Variants in FNBP1 observed in about 807,000 individuals in gnomAD.
The protein encoded by FNBP1 is formin-binding protein 1.
In FNBP1, 26 loss-of-function variants were observed where a neutral mutation model predicts 90.6. The ratio of observed to expected loss-of-function variants is 0.29; its 90% confidence interval spans 0.21 to 0.40. The LOEUF (loss-of-function observed/expected upper bound fraction) is 0.40. Ranked by LOEUF, FNBP1 falls within the 10% of genes least tolerant of loss-of-function variation. FNBP1 has a pLI of 1.00. For synonymous variants in FNBP1, 260 were observed against 265.2 expected, an observed-to-expected ratio of 0.98 and a Z score of 0.19; for missense variants, 635 against 768.0, an observed-to-expected ratio of 0.83 and a Z score of 2.05.
intron 4 of FNBP1, among the ~76,000 whole-genome samples, chr9:129,963,162 C>T (rs2048078268): frequency 1.3e-5 from 2 of 152,152 alleles, no homozygotes; most frequent in African/African-American, 4.8e-5. Context: ...ATCTATCTCT[C>T]CAGCACCTCT....
intron 12 of FNBP1, among the ~76,000 whole-genome samples, chr9:129,905,755 T>G (rs1270020232): frequency 6.6e-6 from 1 of 152,206 alleles, no homozygotes; most frequent in Non-Finnish European, 1.5e-5. Flanking sequence ...TCTATATGCG[T>G]GGCTTTAAGG....
At chr9:130,034,470 G>A (rs1005334876) in intron 1 of FNBP1, among the ~76,000 whole-genome samples, 2 of 151,418 alleles carry the variant, frequency 1.3e-5, no homozygotes, top group Non-Finnish European at 2.9e-5. Flanking sequence ...TCAACAGAGT[G>A]AGACTCTGTA....
chr9:129,928,975 C>T (rs2042321161), intron 7 of FNBP1, among the ~76,000 whole-genome samples: 2 of 152,030 alleles, frequency 1.3e-5, no homozygotes, highest in South Asian at 4.1e-4. Context: ...CCTGTAGTTC[C>T]ATCTACTTAG....
At chr9:130,002,297 T>C (rs369823443) in intron 1 of FNBP1, among the ~76,000 whole-genome samples, 26 of 152,354 alleles carry the variant, frequency 1.7e-4, no homozygotes, top group African/African-American at 6.3e-4. Context: ...TATAGGTGCA[T>C]ACTGTGTATA....
At chr9:129,898,411 C>T (rs1416811509) in intron 15 of FNBP1, among the ~76,000 whole-genome samples, 1 of 152,128 alleles carries the variant, frequency 6.6e-6, no homozygotes, top group African/African-American at 2.4e-5. Context: ...GCAAGTTCTC[C>T]AAACTTCCTT....
At chr9:129,925,741 G>A (rs541553638) in intron 8 of FNBP1, among the ~76,000 whole-genome samples, 114 of 144,172 alleles carry the variant, frequency 7.9e-4, no homozygotes, top group African/African-American at 2.7e-3. Flanking sequence ...TTACAGGCAT[G>A]TGCCATCATG....
chr9:129,902,412 A>G (rs1289941039), intron 13 of FNBP1, among the ~76,000 whole-genome samples: 1 of 152,176 alleles, frequency 6.6e-6, no homozygotes, highest in East Asian at 1.9e-4. Context: ...AGTCTGTGCA[A>G]CAGAGCAAGA....
intron 4 of FNBP1, among the ~76,000 whole-genome samples, chr9:129,972,533 T>C (rs2049632391): frequency 6.6e-6 from 1 of 151,094 alleles, no homozygotes; most frequent in South Asian, 2.1e-4. Context: ...CGTTTTCTTT[T>C]TCTTTTTTTT....
At chr9:129,907,821 C>T (rs113455870) in intron 12 of FNBP1, among the ~76,000 whole-genome samples, 6,535 of 151,610 alleles carry the variant, frequency 0.043, 299 homozygotes, top group African/African-American at 0.11. Context: ...CTCCGCCTCC[C>T]GGGTTCATGC....
chr9:130,029,453 T>C (rs1181182561), intron 1 of FNBP1, among the ~76,000 whole-genome samples: 1 of 152,194 alleles, frequency 6.6e-6, no homozygotes, highest in African/African-American at 2.4e-5. Context: ...TGATGACTTA[T>C]CTGGGTACCT....
intron 1 of FNBP1, among the ~76,000 whole-genome samples, chr9:130,033,142 ATCACCTTTCATCC>A (rs1357771015): frequency 6.6e-6 from 1 of 152,160 alleles, no homozygotes; most frequent in Non-Finnish European, 1.5e-5. Context: ...GTGTTTACCT[ATCACCTTTCATCC>A]AACAACCTCA....
rs1475058256 is a variant in FNBP1 at position 129,890,192 on chromosome 9, A to C, written c.*347T>G. The C allele has an allele frequency of 2.3e-6, 1 of 438,298 alleles. No homozygotes were observed. The highest frequency in any genetic ancestry group is 3.9e-5 in the South Asian group (1 of 25,722). The allele number at this position is 438,298 out of a possible 1,614,324, so 27.2% of individuals were successfully genotyped here. A position where few individuals can be genotyped will look rare whatever the true frequency, so the allele number is the denominator to read the frequency against. On this transcript the variant is annotated 3_prime_UTR_variant, in exon 17 of 17. Coordinates refer to ENST00000446176, the MANE Select transcript of FNBP1 (RefSeq NM_015033.3). The surrounding 1 kb of genome is among the most constrained non-coding windows in gnomAD (Gnocchi z 5.8). ...ACAAAAGGCACTGTGTGAAGCGCGGAAGGGCTGCCAGGACGAGCCCGGGTG... is the reference window on the plus strand; with the variant it reads ...ACAAAAGGCACTGTGTGAAGCGCGGCAGGGCTGCCAGGACGAGCCCGGGTG...
chr9:129,943,749 T>C (rs1235443145), intron 6 of FNBP1, among the ~76,000 whole-genome samples: 2 of 151,940 alleles, frequency 1.3e-5, no homozygotes, highest in Non-Finnish European at 1.5e-5. Flanking sequence ...TCCCAGCACT[T>C]TGGGAGGCTG....
intron 4 of FNBP1, among the ~76,000 whole-genome samples, chr9:129,960,738 T>C (rs1461885982): frequency 6.6e-6 from 1 of 151,968 alleles, no homozygotes; most frequent in Non-Finnish European, 1.5e-5. Context: ...GGTGGGAGGC[T>C]TTTGTAACAA....
intron 6 of FNBP1, among the ~76,000 whole-genome samples, chr9:129,939,771 C>A (rs2044056730): frequency 6.6e-6 from 1 of 152,084 alleles, no homozygotes; most frequent in South Asian, 2.1e-4. Context: ...GGAGAAAAAA[C>A]AATCTCTGTC....
At chr9:129,965,807 G>A (rs28610010) in intron 4 of FNBP1, among the ~76,000 whole-genome samples, 2 of 35,502 alleles carry the variant, frequency 5.6e-5, no homozygotes, top group South Asian at 1.0e-3. Flanking sequence ...GGGGGAAGGA[G>A]GGAGGGAGGG....
chr9:129,907,168 T>C (rs561104500), intron 12 of FNBP1, among the ~76,000 whole-genome samples: 11 of 152,192 alleles, frequency 7.2e-5, no homozygotes, highest in Non-Finnish European at 1.0e-4. Context: ...TTGCATGGTA[T>C]ATCTTCTCTC....
Position 130,042,915 on chromosome 9 carries a change from GC to G in FNBP1, c.24+36del, listed in dbSNP as rs1183254651. Reference sequence around the variant, plus strand: ...CAGGCCGCGGGGAAACGCAGCGCGCGCCCCGCATCTGCCCGCGGGCCCAGCC... The same window carrying G: ...CAGGCCGCGGGGAAACGCAGCGCGCGCCCGCATCTGCCCGCGGGCCCAGCC... On this transcript the variant is annotated intron_variant, in intron 1 of 16. Transcript: ENST00000446176. This position sits in a 1 kb window ranked among gnomAD's most constrained non-coding sequence, Gnocchi z 5.5. 3.3e-6 allele frequency: 4 copies of G among 1,216,300 alleles called. No individual in the cohort carries two copies. The East Asian group carries it at 9.7e-5, about 29-fold the overall frequency. 75.3% of individuals were successfully genotyped at this position (1,216,300 alleles called of 1,614,324 possible). A position where few individuals can be genotyped will look rare whatever the true frequency, so the allele number is the denominator to read the frequency against.
chr9:129,923,910 G>C lies in FNBP1; in HGVS notation c.1104C>G (p.Ser368=). Reference sequence around the variant, plus strand: ...AGGTCATGAACTCGTTGAAGCGATGGGAGAGGGGTTCCTTTTGCTGCTTGG... The same window carrying C: ...AGGTCATGAACTCGTTGAAGCGATGCGAGAGGGGTTCCTTTTGCTGCTTGG... The part of the protein sequence containing the change: ...QSPKQQKEPL[S]HRFNEFMTSK... The change falls in exon 10 of 17, where the codon TCC becomes TCG. Residue 368 remains serine (S), a synonymous_variant. Transcript: ENST00000446176. The C allele has an allele frequency of 6.2e-7, 1 of 1,601,268 alleles. No homozygotes were observed. Among genetic ancestry groups the C allele is most frequent in the African/African-American group, 1.4e-5 (1 of 73,902 alleles).
Sources: allele counts gnomAD v4.1 joint callset (sites outside exome capture counted in the v4.1 genomes callset), GRCh38; gene constraint gnomAD v4.1.1; non-coding constraint Gnocchi (gnomAD v3.1); transcripts MANE v1.5; gene names NCBI Gene and HGNC (gene_info 2026-07-23, HGNC 2026-07-21).